Variants in KDM4C observed in about 807,000 individuals in gnomAD.
The protein encoded by KDM4C is lysine-specific demethylase 4C.
KDM4C carries 81 observed loss-of-function variants against 129.3 expected under a neutral mutation model. The observed-to-expected ratio is 0.63, with a 90% CI of 0.52 to 0.75. KDM4C has a LOEUF of 0.75. Ranked by LOEUF, KDM4C falls within the 30% of genes least tolerant of loss-of-function variation. The pLI, the probability that KDM4C is intolerant of heterozygous loss-of-function variation, is 0.00. For missense variants in KDM4C, 1,457 were observed against 1,304.0 expected, an observed-to-expected ratio of 1.12 and a Z score of -1.81; for synonymous variants, 573 against 456.1, an observed-to-expected ratio of 1.26 and a Z score of -3.26.
Position 7,143,002 on chromosome 9 carries a change from G to T in KDM4C, c.2781+14766G>T, listed in dbSNP as rs565215536. ...GATGATGTTTAAAGTTTGCAAGCAG[G>T]CCCATCTCCTTTTATCCTTTATCTT... On this transcript the variant is annotated intron_variant, in intron 19 of 21. Transcript: ENST00000381309. Among the ~76,000 whole-genome samples the T allele has an allele frequency of 4.6e-5, 7 of 152,124 alleles. 1 individual carries two copies. Among genetic ancestry groups the T allele is most frequent in the Admixed American group, 4.6e-4 (7 of 15,266 alleles).
rs921620902 is a variant in KDM4C, at chr9:6,986,706, G to A, written c.1677+40G>A. On this transcript the variant is annotated intron_variant, in intron 11 of 21. Transcript: ENST00000381309. ...CCATTTTTTACCATATTCATTATAT[G>A]GTGAGAGCACATTTTGAAAACAACA... The A allele has an allele frequency of 2.8e-6, 4 of 1,426,092 alleles. No homozygotes were observed. In the African/African-American group the frequency reaches 5.7e-5, roughly 20 times the overall value. 88.3% of individuals were successfully genotyped at this position (1,426,092 alleles called of 1,614,324 possible). A position where few individuals can be genotyped will look rare whatever the true frequency, so the allele number is the denominator to read the frequency against.
intron 1 of KDM4C, among the ~76,000 whole-genome samples, chr9:6,775,163 T>C (rs1303352568): frequency 2.6e-5 from 4 of 152,084 alleles, no homozygotes; most frequent in Non-Finnish European, 2.9e-5. Flanking sequence ...ATTACAGGCA[T>C]ATGCCACTAT....
chr9:6,741,309 C>A (rs977150195), intron 1 of KDM4C, among the ~76,000 whole-genome samples: 6 of 151,870 alleles, frequency 4.0e-5, no homozygotes, highest in African/African-American at 1.5e-4. Context: ...GCAGCAGAAT[C>A]GCTTGAACTA....
At chr9:6,963,349 C>T (rs1388600762) in intron 8 of KDM4C, among the ~76,000 whole-genome samples, 3 of 152,128 alleles carry the variant, frequency 2.0e-5, no homozygotes, top group Non-Finnish European at 2.9e-5. Flanking sequence ...ATTTATTGAC[C>T]ACTCTGGTTG....
intron 15 of KDM4C, among the ~76,000 whole-genome samples, chr9:7,040,381 G>GTGTCTC: frequency 7.1e-6 from 1 of 140,684 alleles, no homozygotes. Context: ...GTGTGTGTGT[G>GTGTCTC]TGTGTGTGTG....
At chr9:7,049,515 ACT>A (rs1829859445) in intron 17 of KDM4C, among the ~76,000 whole-genome samples, 2 of 152,096 alleles carry the variant, frequency 1.3e-5, no homozygotes, top group East Asian at 3.9e-4. Flanking sequence ...GAGCCATCTA[ACT>A]CTATTTAAAT....
intron 19 of KDM4C, among the ~76,000 whole-genome samples, chr9:7,148,161 C>T (rs1486093402): frequency 5.9e-5 from 9 of 152,192 alleles, no homozygotes; most frequent in Non-Finnish European, 1.0e-4. Flanking sequence ...ATATCAGCAT[C>T]CGGACAAGGG....
At chr9:7,093,509 C>T (rs1836053416) in intron 17 of KDM4C, among the ~76,000 whole-genome samples, 1 of 152,094 alleles carries the variant, frequency 6.6e-6, no homozygotes, top group African/African-American at 2.4e-5. Context: ...TTACTGTATT[C>T]ATGTAACTTA....
At chr9:6,971,207 TGTG>T (rs1831926873) in intron 8 of KDM4C, among the ~76,000 whole-genome samples, 1 of 152,206 alleles carries the variant, frequency 6.6e-6, no homozygotes. Flanking sequence ...GTTATACAAA[TGTG>T]GAGCTTTTTT....
At chr9:6,802,324 A>G (rs1829155776) in intron 2 of KDM4C, among the ~76,000 whole-genome samples, 2 of 152,188 alleles carry the variant, frequency 1.3e-5, no homozygotes, top group South Asian at 2.1e-4. Flanking sequence ...AATTGGTACA[A>G]CCACTTTGCA....
intron 15 of KDM4C, among the ~76,000 whole-genome samples, chr9:7,017,856 T>C (rs1363195056): frequency 1.3e-5 from 2 of 152,216 alleles, no homozygotes; most frequent in Non-Finnish European, 2.9e-5. Context: ...ACTGTGTATA[T>C]TTAGTTCTCA....
chr9:6,922,363 T>C (rs1821689282), intron 8 of KDM4C, among the ~76,000 whole-genome samples: 1 of 152,246 alleles, frequency 6.6e-6, no homozygotes, highest in Non-Finnish European at 1.5e-5. Context: ...GTTGCAAGAT[T>C]TCCTATCACA....
chr9:7,053,346 T>C lies in KDM4C; in HGVS notation c.2424+4146T>C, dbSNP rs542045039. 3.3e-5 allele frequency among the ~76,000 whole-genome samples: 5 copies of C among 152,326 alleles called. No individual in the cohort carries two copies. The East Asian group carries it at 9.6e-4, about 29-fold the overall frequency. ...CGTGCAAGGAGAATTTTGTGGCGGATACAGGAAAGGATTTGTTTACTTGAG... is the reference window on the plus strand; with the variant it reads ...CGTGCAAGGAGAATTTTGTGGCGGACACAGGAAAGGATTTGTTTACTTGAG... On this transcript the variant is annotated intron_variant, in intron 17 of 21. Transcript: ENST00000381309.
intron 8 of KDM4C, among the ~76,000 whole-genome samples, chr9:6,961,536 CAG>C (rs1563891684): frequency 1.3e-5 from 2 of 152,120 alleles, no homozygotes; most frequent in African/African-American, 2.4e-5. Flanking sequence ...TCTCATCAGA[CAG>C]AATATAGTAT....
At chr9:6,803,399 C>A (rs900729659) in intron 2 of KDM4C, among the ~76,000 whole-genome samples, 1 of 151,768 alleles carries the variant, frequency 6.6e-6, no homozygotes, top group African/African-American at 2.4e-5. Context: ...GGTGAAAACT[C>A]GTCCTATTAA....
At chr9:6,773,070 G>T (rs1240390297) in intron 1 of KDM4C, among the ~76,000 whole-genome samples, 1 of 151,724 alleles carries the variant, frequency 6.6e-6, no homozygotes, top group Non-Finnish European at 1.5e-5. Flanking sequence ...TGAGATCATG[G>T]CTCACTGCAG....
intron 17 of KDM4C, among the ~76,000 whole-genome samples, chr9:7,069,614 A>G (rs916886856): frequency 2.6e-5 from 4 of 152,208 alleles, no homozygotes; most frequent in African/African-American, 9.6e-5. Flanking sequence ...AATTTCCTCT[A>G]TTGGTTACTT....
At chr9:6,730,683 C>A (rs1270233479) in intron 1 of KDM4C, among the ~76,000 whole-genome samples, 1 of 151,828 alleles carries the variant, frequency 6.6e-6, no homozygotes, top group African/African-American at 2.4e-5. Context: ...TCAGGTAGCC[C>A]CCAGAATCAC....
chr9:6,861,701 T>C (rs1840952648), intron 5 of KDM4C, among the ~76,000 whole-genome samples: 5 of 152,202 alleles, frequency 3.3e-5, no homozygotes, highest in Admixed American at 6.5e-5. Flanking sequence ...ATAGAGGATT[T>C]ACTTATTTGA....
Sources: allele counts gnomAD v4.1 joint callset (sites outside exome capture counted in the v4.1 genomes callset), GRCh38; gene constraint gnomAD v4.1.1; transcripts MANE v1.5; gene names NCBI Gene and HGNC (gene_info 2026-07-23, HGNC 2026-07-21).